The following CADPS variants were observed in gnomAD, a reference collection of about 807,000 sequenced individuals.
CADPS encodes the protein calcium-dependent secretion activator 1.
CADPS carries 57 observed loss-of-function variants against 167.3 expected under a neutral mutation model. That is an observed-to-expected ratio of 0.34 (90% CI 0.28 to 0.42). CADPS has a LOEUF of 0.42. Ranked by LOEUF, CADPS falls within the 20% of genes least tolerant of loss-of-function variation. The probability of loss-of-function intolerance (pLI) is 1.00; values close to 1 mark genes in which losing one functional copy is unlikely to be tolerated. For missense variants in CADPS, 1,414 were observed against 1,738.1 expected, an observed-to-expected ratio of 0.81 and a Z score of 3.32; for synonymous variants, 676 against 635.3, an observed-to-expected ratio of 1.06 and a Z score of -0.96.
chr3:62,440,478 A>C (rs1248375069), intron 27 of CADPS: 1 of 143,422 alleles, frequency 7.0e-6, no homozygotes, highest in Admixed American at 7.4e-5. Context: ...TGTAATACAA[A>C]CATGAATTAC....
At chr3:62,635,950 T>G (rs2066223191) in intron 6 of CADPS, among the ~76,000 whole-genome samples, 1 of 152,172 alleles carries the variant, frequency 6.6e-6, no homozygotes, top group African/African-American at 2.4e-5. Context: ...GGGATCTACA[T>G]ATAAATGAAC....
chr3:62,785,798 A>G (rs1056564690), intron 1 of CADPS, among the ~76,000 whole-genome samples: 4 of 152,140 alleles, frequency 2.6e-5, no homozygotes, highest in African/African-American at 9.7e-5. Context: ...ACACTGAACC[A>G]TGACCTGTGC....
chr3:62,802,372 C>T (rs190146762), intron 1 of CADPS, among the ~76,000 whole-genome samples: 29 of 152,248 alleles, frequency 1.9e-4, no homozygotes, highest in African/African-American at 7.0e-4. Flanking sequence ...GAATGTTTTC[C>T]TTCTTACCAC....
At chr3:62,649,251 A>G (rs1232941083) in intron 5 of CADPS, among the ~76,000 whole-genome samples, 1 of 152,150 alleles carries the variant, frequency 6.6e-6, no homozygotes, top group Non-Finnish European at 1.5e-5. Flanking sequence ...TGGTTAAAGT[A>G]TACAGTCCAG....
intron 6 of CADPS, among the ~76,000 whole-genome samples, chr3:62,632,791 G>T (rs954918863): frequency 6.6e-6 from 1 of 151,978 alleles, no homozygotes; most frequent in Non-Finnish European, 1.5e-5. Flanking sequence ...TTTTGGTTAG[G>T]TGTCAATGTC....
At chr3:62,507,412 C>CTT (rs1274996333) in intron 17 of CADPS, among the ~76,000 whole-genome samples, 2 of 145,716 alleles carry the variant, frequency 1.4e-5, no homozygotes, top group Non-Finnish European at 3.0e-5. Context: ...TCTCTGTTTT[C>CTT]TTTTTTTTTT....
intron 1 of CADPS, among the ~76,000 whole-genome samples, chr3:62,802,325 T>C (rs1367586435): frequency 6.6e-6 from 1 of 152,196 alleles, no homozygotes; most frequent in Non-Finnish European, 1.5e-5. Flanking sequence ...AACCAGCTTG[T>C]CTGCTGGCTC....
intron 1 of CADPS, among the ~76,000 whole-genome samples, chr3:62,847,256 ATTTTCTTTTTTTTTTTTT>A (rs2077622176): frequency 1.0e-5 from 1 of 96,918 alleles, no homozygotes; most frequent in African/African-American, 3.3e-5. Context: ...TCCCAGCAGC[ATTTTCTTTTTTTTTTTTT>A]TTTTAACTTT....
At chr3:62,539,348 C>A (rs1284003988) in intron 11 of CADPS, among the ~76,000 whole-genome samples, 1 of 152,078 alleles carries the variant, frequency 6.6e-6, no homozygotes, top group Non-Finnish European at 1.5e-5. Context: ...GTGGGAATTT[C>A]CAGCAAGTAA....
rs1329305945 is a variant in CADPS at position 62,753,701 on chromosome 3, C to A, written c.628G>T (p.Val210Phe). 6.2e-7 allele frequency: 1 copy of A among 1,614,132 alleles called. No individual in the cohort carries two copies. Among genetic ancestry groups the A allele is most frequent in the Admixed American group, 1.7e-5 (1 of 60,014 alleles). Residue 210 changes from valine (V) to phenylalanine (F), a missense_variant, in exon 3 of 30, where the codon GTC becomes TTC. By Grantham distance (50) the Val-to-Phe change is conservative (BLOSUM62 -1). Around this residue, in one of 6 missense-constraint regions of CADPS, gnomAD observed 522 missense variants for 559.5 expected, o/e 0.93. Coordinates refer to ENST00000383710, the MANE Select transcript of CADPS (RefSeq NM_003716.4). This position sits in a 1 kb window ranked among gnomAD's most constrained non-coding sequence, Gnocchi z 4.6. ...GGCSANDSRE[V>F]FKKHIEKRVR... ...CTCTTCTCAATGTGCTTCTTGAAGA[C>A]CTCCCGGGAGTCGTTGGCGGAACAG... is the stretch of plus-strand genomic sequence containing the variant.
intron 8 of CADPS, among the ~76,000 whole-genome samples, chr3:62,572,445 T>G (rs2081463152): frequency 6.6e-6 from 1 of 152,142 alleles, no homozygotes; most frequent in Non-Finnish European, 1.5e-5. Flanking sequence ...ATTTTCATCC[T>G]ATTCCTGGAA....
In CADPS at chr3:62,544,487, C is replaced by T. The variant is rs2076165371; in HGVS notation, c.1966+5416G>A. Among the ~76,000 whole-genome samples, 1 of 152,030 alleles carries T rather than the reference C, an allele frequency of 6.6e-6. No individual in the cohort carries two copies. The highest frequency in any genetic ancestry group is 6.6e-5 in the Admixed American group (1 of 15,246). On this transcript the variant is annotated intron_variant, in intron 11 of 29. Coordinates refer to ENST00000383710, the MANE Select transcript of CADPS (RefSeq NM_003716.4). The surrounding 1 kb of genome is among the most constrained non-coding windows in gnomAD (Gnocchi z 4.4). ...GAGTGCAAAATGATCTGTTTTCAGG[C>T]ATTAAGCAGTCAGGTAGCTGTGAAT...
At chr3:62,556,962 C>T (rs62243518) in intron 10 of CADPS, among the ~76,000 whole-genome samples, 5,474 of 150,438 alleles carry the variant, frequency 0.036, 118 homozygotes, top group Non-Finnish European at 0.046. Flanking sequence ...GTCACTGAAA[C>T]CTGCCAAGCC....
Position 62,838,183 on chromosome 3 carries a change from C to T in CADPS, c.441+36406G>A, listed in dbSNP as rs547275270. Among the ~76,000 whole-genome samples the T allele has an allele frequency of 1.7e-3, 260 of 152,248 alleles. 2 individuals are homozygous for T. Among genetic ancestry groups the T allele is most frequent in the African/African-American group, 5.9e-3 (246 of 41,554 alleles). On this transcript the variant is annotated intron_variant, in intron 1 of 29. Transcript: ENST00000383710. ...GATCAGCCCAGGGGCTGATTTCATT[C>T]GGCGCATATATTACTGACCTCACTA...
At chr3:62,825,083 T>C (rs111819048) in intron 1 of CADPS, among the ~76,000 whole-genome samples, 1,884 of 152,280 alleles carry the variant, frequency 0.012, 21 homozygotes, top group Non-Finnish European at 0.017. Flanking sequence ...ACACTTGTCA[T>C]ATATGCTTGA....
intron 7 of CADPS, among the ~76,000 whole-genome samples, chr3:62,590,006 T>C (rs1029462587): frequency 3.9e-5 from 6 of 151,954 alleles, no homozygotes; most frequent in African/African-American, 1.2e-4. Context: ...CTGACCAACA[T>C]GGTAAAACCC....
At chr3:62,763,760 T>C (rs1035965019) in intron 2 of CADPS, among the ~76,000 whole-genome samples, 14 of 152,206 alleles carry the variant, frequency 9.2e-5, no homozygotes, top group African/African-American at 2.9e-4. Context: ...AAAGTGAATC[T>C]AAGACTCTCC....
chr3:62,434,017 T>G (rs6445269), intron 28 of CADPS, among the ~76,000 whole-genome samples: 16,093 of 152,262 alleles, frequency 0.11, 1,178 homozygotes, highest in Admixed American at 0.26. Context: ...GATTATTTCA[T>G]ATCCATGTTT....
chr3:62,550,101 G>A lies in CADPS; in HGVS notation c.1768C>T (p.Arg590Ter), dbSNP rs2077082956. The change falls in exon 11 of 30, where the codon CGA becomes TGA. Residue 590 changes from arginine to a stop codon, truncating the protein, a stop_gained. Coordinates refer to ENST00000383710, the MANE Select transcript of CADPS (RefSeq NM_003716.4). LOFTEE classifies it high-confidence loss of function. ...TCCTTGACAGCATTGAAGAAGGCTC[G>A]GCCACCCTCCAAACCTGGAAGAAAA... is the stretch of plus-strand genomic sequence containing the variant. ...TDPQPGLEGGRAFFNAVKEGD... is the reference protein window; with the variant it reads ...TDPQPGLEGG 6.2e-7 allele frequency: 1 copy of A among 1,613,708 alleles called. No individual in the cohort carries two copies. The highest frequency in any genetic ancestry group is 1.7e-5 in the Admixed American group (1 of 59,994).
Sources: allele counts gnomAD v4.1 joint callset (sites outside exome capture counted in the v4.1 genomes callset), GRCh38; gene constraint gnomAD v4.1.1; regional missense constraint gnomAD v4.1.1; non-coding constraint Gnocchi (gnomAD v3.1); transcripts MANE v1.5; gene names NCBI Gene and HGNC (gene_info 2026-07-23, HGNC 2026-07-21).